Variants in ERCC4 observed in about 807,000 individuals in gnomAD.
ERCC4 encodes the protein ERCC excision repair 4, endonuclease catalytic subunit.
Under a neutral mutation model 76.9 loss-of-function variants are expected in ERCC4, and 65 were observed. The observed-to-expected ratio is 0.84, with a 90% CI of 0.69 to 1.04. The LOEUF (loss-of-function observed/expected upper bound fraction) is 1.04, where lower values mean the gene tolerates loss of function less well. ERCC4 is among the 50% of genes least tolerant of loss of function. ERCC4 has a pLI of 0.00. For synonymous variants in ERCC4, 463 were observed against 410.1 expected, an observed-to-expected ratio of 1.13 and a Z score of -1.56; for missense variants, 1,214 against 1,128.2, an observed-to-expected ratio of 1.08 and a Z score of -1.09.
chr16:13,932,941 G>A (rs886559911), intron 6 of ERCC4: 1 of 240,092 alleles, frequency 4.2e-6, no homozygotes, highest in African/African-American at 2.4e-5. Context: ...AGCTACTCAG[G>A]AGGCTGAGGC....
rs374243778 is a variant in ERCC4 at position 13,920,202 on chromosome 16, G to A, written c.37G>A (p.Ala13Thr). ...GCAGCCGGCTCGACGGATTGCCATG[G>A]CGCCGCTGCTGGAGTACGAGCGACA... Reference protein sequence around the residue: ...SGQPARRIAMAPLLEYERQLV... With the variant: ...SGQPARRIAMTPLLEYERQLV... The change falls in exon 1 of 11, where the codon GCG becomes ACG. Residue 13 changes from alanine to threonine, a missense_variant. Coordinates refer to ENST00000311895, the MANE Select transcript of ERCC4 (RefSeq NM_005236.3). 33 of 1,607,092 alleles carry A rather than the reference G, an allele frequency of 2.1e-5. No individual in the cohort carries two copies. The highest frequency in any genetic ancestry group is 2.5e-5 in the Non-Finnish European group (30 of 1,179,930).
intron 1 of ERCC4, among the ~76,000 whole-genome samples, chr16:13,920,653 G>A (rs3136046): frequency 6.6e-6 from 1 of 152,124 alleles, no homozygotes; most frequent in Non-Finnish European, 1.5e-5. Flanking sequence ...AAGGCTGCAG[G>A]TCCCTGGCAG....
At position 13,930,788 on chromosome 16, in the gene ERCC4, T is replaced by C. The variant is rs1334727752; in HGVS notation, c.871T>C (p.Leu291=). 8.1e-6 allele frequency: 13 copies of C among 1,612,100 alleles called. No individual in the cohort carries two copies. Among genetic ancestry groups the C allele is most frequent in the African/African-American group, 6.7e-5 (5 of 74,896 alleles). Residue 291 remains leucine, a synonymous_variant, in exon 5 of 11, where the codon TTA becomes CTA. Coordinates refer to ENST00000311895, the MANE Select transcript of ERCC4 (RefSeq NM_005236.3). The part of the protein sequence containing the change: ...TKSLVQDLKI[L]RTLLQYLSQY... ...ATCCTTAGTTCAGGATTTGAAGATA[T>C]TACGAACTTTGCTGCAGTATCTCTC... is the stretch of plus-strand genomic sequence containing the variant.
intron 9 of ERCC4, among the ~76,000 whole-genome samples, chr16:13,942,905 T>G (rs1206766560): frequency 6.6e-6 from 1 of 152,200 alleles, no homozygotes; most frequent in Non-Finnish European, 1.5e-5. Context: ...TGGTCTGCCC[T>G]TTGTCCTAAC....
chr16:13,940,616 C>CA (rs1488463866), intron 9 of ERCC4, among the ~76,000 whole-genome samples: 9 of 152,186 alleles, frequency 5.9e-5, no homozygotes, highest in African/African-American at 1.4e-4. Context: ...GTCACATAGA[C>CA]ACAGAGTACC....
intron 9 of ERCC4, among the ~76,000 whole-genome samples, chr16:13,940,464 CT>C (rs2032391814): frequency 1.3e-5 from 2 of 152,154 alleles, no homozygotes; most frequent in Non-Finnish European, 2.9e-5. Flanking sequence ...AAAACCAGGC[CT>C]AAGCTTCCAG....
chr16:13,922,237 G>A (rs776312000), intron 2 of ERCC4, 26 bp downstream of exon 2: 3 of 1,441,152 alleles, frequency 2.1e-6, no homozygotes, highest in East Asian at 4.7e-5. Flanking sequence ...CTTATTATTA[G>A]TATGTAAATT....
chr16:13,945,448 TA>T (rs1183320040), intron 10 of ERCC4, among the ~76,000 whole-genome samples: 1 of 152,176 alleles, frequency 6.6e-6, no homozygotes, highest in Non-Finnish European at 1.5e-5. Context: ...CCCAAATTCC[TA>T]TTTTCCTATG....
chr16:13,949,440 C>T lies in ERCC4; in HGVS notation c.*1093C>T, dbSNP rs985704466. 4 of 233,006 alleles carry T rather than the reference C, an allele frequency of 1.7e-5. No homozygotes were observed. Among genetic ancestry groups the T allele is most frequent in the African/African-American group, 8.8e-5 (4 of 45,314 alleles). 14.4% of individuals were successfully genotyped at this position (233,006 alleles called of 1,614,324 possible). ...AAAGAAAAGAAATACAACCTAAGCT[C>T]ACCTGCCTGTGATTCCTCATTTCTC... On this transcript the variant is annotated 3_prime_UTR_variant, in exon 11 of 11. Coordinates refer to ENST00000311895, the MANE Select transcript of ERCC4 (RefSeq NM_005236.3).
chr16:13,924,053 T>A (rs1449552947), intron 2 of ERCC4, among the ~76,000 whole-genome samples: 1 of 152,172 alleles, frequency 6.6e-6, no homozygotes, highest in Non-Finnish European at 1.5e-5. Context: ...CACCGAATAA[T>A]GAAGCTGGAG....
Position 13,949,868 on chromosome 16 carries a change from A to G in ERCC4, c.*1521A>G, listed in dbSNP as rs1459850023. Reference sequence around the variant, plus strand: ...GCCATATCACATATTTTAATGTTTCATCAACATCAGCTGTTTTTTTGTTTG... The same window carrying G: ...GCCATATCACATATTTTAATGTTTCGTCAACATCAGCTGTTTTTTTGTTTG... On this transcript the variant is annotated 3_prime_UTR_variant, in exon 11 of 11. Transcript: ENST00000311895. The G allele has an allele frequency of 8.6e-6, 2 of 232,574 alleles. No homozygotes were observed. Among genetic ancestry groups the G allele is most frequent in the African/African-American group, 2.2e-5 (1 of 45,340 alleles). The allele number at this position is 232,574 out of a possible 1,614,324, so 14.4% of individuals were successfully genotyped here.
intron 6 of ERCC4, chr16:13,933,158 G>T (rs3136132): frequency 0.023 from 6,966 of 300,576 alleles, 495 homozygotes; most frequent in African/African-American, 0.15. Context: ...AGTTGAAGGT[G>T]ACACCAAGAT....
chr16:13,930,496 A>T (rs553608694), intron 4 of ERCC4, among the ~76,000 whole-genome samples: 15 of 152,186 alleles, frequency 9.9e-5, no homozygotes, highest in South Asian at 4.1e-4. Flanking sequence ...AAATTTAAAC[A>T]TTATTATTAG....
At position 13,948,468 on chromosome 16, in the gene ERCC4, G is replaced by T; in HGVS notation, c.*121G>T. 2.4e-6 allele frequency: 3 copies of T among 1,224,998 alleles called. No homozygotes were observed. The Admixed American group carries it at 5.3e-5, about 22-fold the overall frequency. The allele number at this position is 1,224,998 out of a possible 1,614,324, so 75.9% of individuals were successfully genotyped here. ...TTCTTTTCCAATGCTCTTAATGATT[G>T]TACGGTGGACCAGAAGCCAGGATTC... On this transcript the variant is annotated 3_prime_UTR_variant, in exon 11 of 11. Transcript: ENST00000311895.
rs775194104 is a variant in ERCC4, at chr16:13,928,074, G to A, written c.631G>A (p.Val211Ile). ...ATTTTTAGAACAGCACAAACCTGAA[G>A]TTGTAGAAATCCATGTTTCTATGAC... ...NSFLEQHKPE[V>I]VEIHVSMTPT... is the part of the protein sequence containing the mutation. Residue 211 changes from valine (V) to isoleucine (I), a missense_variant, in exon 4 of 11, where the codon GTT becomes ATT. Transcript: ENST00000311895. 9 of 1,613,828 alleles carry A rather than the reference G, an allele frequency of 5.6e-6. No homozygotes were observed. Among genetic ancestry groups the A allele is most frequent in the Non-Finnish European group, 7.6e-6 (9 of 1,179,896 alleles).
At chr16:13,937,265 A>T (rs1245116140) in intron 8 of ERCC4, among the ~76,000 whole-genome samples, 2 of 152,068 alleles carry the variant, frequency 1.3e-5, no homozygotes, top group Non-Finnish European at 2.9e-5. Flanking sequence ...ATTCTTTGAG[A>T]TGCCTGATGT....
Position 13,937,756 on chromosome 16 carries a change from T to TA in ERCC4, c.1812-8dup. The TA allele has an allele frequency of 6.3e-7, 1 of 1,584,998 alleles. No homozygotes were observed. Among genetic ancestry groups the TA allele is most frequent in the Non-Finnish European group, 8.7e-7 (1 of 1,153,500 alleles). ...TTTTTCCAACCTAAAAGTTCTGTCT[T>TA]AACATGCAGGGTTTACTTTCTTATA... On this transcript the variant is annotated splice_polypyrimidine_tract_variant and intron_variant, in intron 8 of 10. Transcript: ENST00000311895.
In ERCC4 at chr16:13,922,148, G is replaced by A. The variant is rs148791570; in HGVS notation, c.325G>A (p.Ala109Thr). ...EVYTQGGVIF[A>T]TSRILVVDFL... Reference sequence around the variant, plus strand: ...TTACACACAAGGTGGTGTTATATTTGCGACAAGTAGGATACTTGTGGTTGA... The same window carrying A: ...TTACACACAAGGTGGTGTTATATTTACGACAAGTAGGATACTTGTGGTTGA... Residue 109 changes from alanine (A) to threonine (T), a missense_variant, in exon 2 of 11, where the codon GCG (alanine) becomes ACG (threonine). Ala to Thr is a moderately conservative substitution (Grantham distance 58). Coordinates refer to ENST00000311895, the MANE Select transcript of ERCC4 (RefSeq NM_005236.3). 286 of 1,613,246 alleles carry A rather than the reference G, an allele frequency of 1.8e-4. No individual in the cohort carries two copies. In the African/African-American group the frequency reaches 3.3e-3, roughly 19 times the overall value.
At chr16:13,930,986 T>C in intron 5 of ERCC4, 96 bp downstream of exon 5, 2 of 795,738 alleles carry the variant, frequency 2.5e-6, no homozygotes, top group South Asian at 1.4e-5. Context: ...TATATTCAAC[T>C]ATATGTTATA....
Sources: gnomAD v4.1 joint callset for allele counts (sites outside exome capture counted in the v4.1 genomes callset) on GRCh38, gnomAD v4.1.1 for gene constraint, MANE v1.5 for transcripts, NCBI Gene and HGNC (gene_info 2026-07-23, HGNC 2026-07-21) for gene names.